TRIM71: variants seen among roughly 807,000 people sequenced by gnomAD.
TRIM71 encodes tripartite motif containing 71.
In TRIM71, 9 loss-of-function variants were observed where a neutral mutation model predicts 61.2. The observed-to-expected ratio is 0.15, with a 90% CI of 0.09 to 0.26. TRIM71 has a LOEUF of 0.26. Among genes scored for constraint, TRIM71 ranks in the 10% least tolerant of loss-of-function variants. TRIM71 has a pLI of 1.00. For synonymous variants in TRIM71, 645 were observed against 553.2 expected, an observed-to-expected ratio of 1.17 and a Z score of -2.33; for missense variants, 998 against 1,238.7, an observed-to-expected ratio of 0.81 and a Z score of 2.92.
chr3:32,821,756 C>T (rs981836042), intron 1 of TRIM71, among the ~76,000 whole-genome samples: 2 of 151,612 alleles, frequency 1.3e-5, no homozygotes, highest in Non-Finnish European at 2.9e-5. Flanking sequence ...AACAGCTGGC[C>T]GCGGGCCCGC....
chr3:32,868,535 C>T (rs188082132), intron 1 of TRIM71, among the ~76,000 whole-genome samples: 59 of 152,134 alleles, frequency 3.9e-4, no homozygotes, highest in Admixed American at 3.9e-3. Flanking sequence ...TTCGGAAAGC[C>T]AGGCATCTCT....
intron 1 of TRIM71, among the ~76,000 whole-genome samples, chr3:32,850,483 C>G (rs939686653): frequency 6.6e-6 from 1 of 152,054 alleles, no homozygotes; most frequent in Non-Finnish European, 1.5e-5. Context: ...CAAAATACTC[C>G]GTCCTCCATT....
intron 1 of TRIM71, among the ~76,000 whole-genome samples, chr3:32,846,632 C>A (rs1315933724): frequency 6.6e-6 from 1 of 151,968 alleles, no homozygotes; most frequent in African/African-American, 2.4e-5. Context: ...CCGACATCTC[C>A]CCTTGCCCCT....
Position 32,895,874 on chromosome 3 carries a change from A to C in TRIM71, c.*4063A>C, listed in dbSNP as rs1697072623. 6.6e-6 allele frequency: 1 copy of C among 152,504 alleles called. No individual in the cohort carries two copies. Among genetic ancestry groups the C allele is most frequent in the Non-Finnish European group, 1.5e-5 (1 of 68,046 alleles). 9.4% of individuals were successfully genotyped at this position (152,504 alleles called of 1,614,324 possible). A position where few individuals can be genotyped will look rare whatever the true frequency, so the allele number is the denominator to read the frequency against. On this transcript the variant is annotated 3_prime_UTR_variant, in exon 4 of 4. Coordinates refer to ENST00000383763, the MANE Select transcript of TRIM71 (RefSeq NM_001039111.3). ...CATGTTAGCATCTGACAGGTCTCAA[A>C]AAGAATAGTATTAATCCAGTGGGCA...
rs1302234031 is a variant in TRIM71 at position 32,839,201 on chromosome 3, T to C, written c.852+20269T>C. ...TTATACATGCCATTCAGAACCATCT[T>C]TCATGGATGATAAGGTCCTGTGTGA... On this transcript the variant is annotated intron_variant, in intron 1 of 3. Transcript: ENST00000383763. 2.0e-5 allele frequency among the ~76,000 whole-genome samples: 3 copies of C among 152,258 alleles called. No homozygotes were observed. The South Asian group carries it at 6.2e-4, about 32-fold the overall frequency.
At position 32,890,226 on chromosome 3, in the gene TRIM71, A is replaced by AG; in HGVS notation, c.1156-133dup. 1 of 1,236,234 alleles carries AG rather than the reference A, an allele frequency of 8.1e-7. No individual in the cohort carries two copies. Among genetic ancestry groups the AG allele is most frequent in the Non-Finnish European group, 1.1e-6 (1 of 893,454 alleles). 76.6% of individuals were successfully genotyped at this position (1,236,234 alleles called of 1,614,324 possible). ...GATTTTGCTGCTTTTGAAGAAAGAC[A>AG]GATGTCTTTTGTAGACCATCCCACA... On this transcript the variant is annotated intron_variant, in intron 3 of 3. Coordinates refer to ENST00000383763, the MANE Select transcript of TRIM71 (RefSeq NM_001039111.3). The surrounding 1 kb of genome is among the most constrained non-coding windows in gnomAD (Gnocchi z 6.2).
chr3:32,873,481 G>A (rs754008918), intron 1 of TRIM71, among the ~76,000 whole-genome samples: 3 of 152,210 alleles, frequency 2.0e-5, no homozygotes, highest in Non-Finnish European at 4.4e-5. Context: ...TAAGATTCAG[G>A]GCAAACTCTC....
intron 1 of TRIM71, among the ~76,000 whole-genome samples, chr3:32,842,350 T>C (rs1445889188): frequency 2.0e-5 from 3 of 152,178 alleles, no homozygotes; most frequent in African/African-American, 7.2e-5. Flanking sequence ...AGCTTGCCTG[T>C]GTTTGTCTTC....
intron 1 of TRIM71, among the ~76,000 whole-genome samples, chr3:32,854,196 AT>A (rs1352282451): frequency 6.6e-6 from 1 of 152,114 alleles, no homozygotes; most frequent in Non-Finnish European, 1.5e-5. Flanking sequence ...GTCTCACTAT[AT>A]TGACCAGGGT....
intron 1 of TRIM71, 126 bp from the exon 2 acceptor site, chr3:32,873,692 G>T: frequency 2.4e-6 from 2 of 833,394 alleles, no homozygotes; most frequent in Non-Finnish European, 1.8e-6. Flanking sequence ...CTCTCCCTTT[G>T]GGGTGTGCTT....
chr3:32,869,299 T>C (rs1696772252), intron 1 of TRIM71, among the ~76,000 whole-genome samples: 1 of 152,230 alleles, frequency 6.6e-6, no homozygotes, highest in Non-Finnish European at 1.5e-5. Flanking sequence ...TCAGTCATTT[T>C]AAGGGATACC....
chr3:32,821,453 T>C (rs1270544583), intron 1 of TRIM71, among the ~76,000 whole-genome samples: 2 of 149,514 alleles, frequency 1.3e-5, no homozygotes, highest in South Asian at 4.2e-4. Flanking sequence ...AGGGGGACTT[T>C]CTTCCTTAAG....
At chr3:32,825,766 C>T (rs998839358) in intron 1 of TRIM71, among the ~76,000 whole-genome samples, 2 of 152,154 alleles carry the variant, frequency 1.3e-5, no homozygotes, top group Non-Finnish European at 1.5e-5. Context: ...AAGCCTACTC[C>T]GTTACCGCTT....
chr3:32,828,286 G>C (rs1024633316), intron 1 of TRIM71, among the ~76,000 whole-genome samples: 2 of 152,078 alleles, frequency 1.3e-5, no homozygotes, highest in African/African-American at 4.8e-5. Context: ...AGAAAGTTTA[G>C]GTAACAGTTG....
chr3:32,857,920 G>A (rs1281617292), intron 1 of TRIM71, among the ~76,000 whole-genome samples: 1 of 152,072 alleles, frequency 6.6e-6, no homozygotes, highest in Non-Finnish European at 1.5e-5. Context: ...GCAGCAAGCC[G>A]AGATCGCACC....
At chr3:32,848,062 C>T (rs1433867221) in intron 1 of TRIM71, among the ~76,000 whole-genome samples, 2 of 152,084 alleles carry the variant, frequency 1.3e-5, no homozygotes, top group African/African-American at 4.8e-5. Context: ...TTTTGGTATC[C>T]AAGGGGGTCC....
intron 1 of TRIM71, 40 bp from the exon 2 acceptor site, chr3:32,873,778 C>G: frequency 6.9e-7 from 1 of 1,446,122 alleles, no homozygotes; most frequent in Middle Eastern, 1.9e-4. Context: ...TCCTCCCGTC[C>G]TGCATCTCCA....
At chr3:32,856,983 A>G (rs1696613228) in intron 1 of TRIM71, among the ~76,000 whole-genome samples, 2 of 152,096 alleles carry the variant, frequency 1.3e-5, no homozygotes, top group Admixed American at 6.6e-5. Flanking sequence ...AGCTTATCCA[A>G]AATTGCTGGA....
At chr3:32,889,904 GTA>G (rs1463693970) in intron 3 of TRIM71, among the ~76,000 whole-genome samples, 10 of 151,786 alleles carry the variant, frequency 6.6e-5, no homozygotes, top group South Asian at 2.1e-4. Context: ...GTGTGTGTAT[GTA>G]TGTATGTATG....
Sources: allele counts gnomAD v4.1 joint callset (sites outside exome capture counted in the v4.1 genomes callset), GRCh38; gene constraint gnomAD v4.1.1; non-coding constraint Gnocchi (gnomAD v3.1); transcripts MANE v1.5; gene names NCBI Gene and HGNC (gene_info 2026-07-23, HGNC 2026-07-21).